CTIF: variants seen among roughly 807,000 people sequenced by gnomAD.
CTIF encodes the protein cap binding complex dependent translation initiation factor.
Under a neutral mutation model 66.0 loss-of-function variants are expected in CTIF, and 21 were observed. The ratio of observed to expected loss-of-function variants is 0.32; its 90% CI spans 0.23 to 0.46. The LOEUF (loss-of-function observed/expected upper bound fraction) is 0.46, where lower values mean the gene tolerates loss of function less well. Among genes scored for constraint, CTIF ranks in the 20% least tolerant of loss-of-function variants. The pLI is 1.00. For synonymous variants in CTIF, 345 were observed against 326.4 expected, an observed-to-expected ratio of 1.06 and a Z score of -0.62; for missense variants, 739 against 812.7, an observed-to-expected ratio of 0.91 and a Z score of 1.10.
chr18:48,815,329 C>G (rs772060993), intron 9 of CTIF, among the ~76,000 whole-genome samples: 14 of 152,200 alleles, frequency 9.2e-5, no homozygotes, highest in Non-Finnish European at 1.6e-4. Flanking sequence ...GCCACTGGCT[C>G]ATAGTCATGG....
chr18:48,646,954 T>A (rs896002461), intron 3 of CTIF, among the ~76,000 whole-genome samples: 2 of 149,024 alleles, frequency 1.3e-5, no homozygotes, highest in Non-Finnish European at 3.0e-5. Context: ...TATGATTTGA[T>A]TGAGCAATTG....
intron 7 of CTIF, among the ~76,000 whole-genome samples, chr18:48,728,607 A>G (rs1273771193): frequency 1.3e-5 from 2 of 152,130 alleles, no homozygotes; most frequent in East Asian, 1.9e-4. Context: ...TTCCCAGCTC[A>G]CGGATGTGGT....
chr18:48,585,682 C>T (rs1354510822), intron 1 of CTIF, among the ~76,000 whole-genome samples: 1 of 152,154 alleles, frequency 6.6e-6, no homozygotes, highest in Non-Finnish European at 1.5e-5. Context: ...ATTTTCATCC[C>T]ATCCCTAGGA....
At chr18:48,857,958 C>G (rs1199739522) in intron 11 of CTIF, among the ~76,000 whole-genome samples, 1 of 152,246 alleles carries the variant, frequency 6.6e-6, no homozygotes, top group Non-Finnish European at 1.5e-5. Flanking sequence ...TAAGAAGTTC[C>G]TGATTACCTC....
intron 6 of CTIF, among the ~76,000 whole-genome samples, chr18:48,671,286 A>G (rs1004508164): frequency 6.6e-6 from 1 of 152,082 alleles, no homozygotes; most frequent in African/African-American, 2.4e-5. Context: ...GTCTCTAGAT[A>G]CTTATAGTGC....
chr18:48,656,453 C>T (rs2091248360), intron 3 of CTIF, among the ~76,000 whole-genome samples: 1 of 152,190 alleles, frequency 6.6e-6, no homozygotes, highest in South Asian at 2.1e-4. Context: ...CTGGCACATA[C>T]TGCATGCTGG....
intron 6 of CTIF, among the ~76,000 whole-genome samples, chr18:48,681,200 A>G (rs942119519): frequency 1.3e-5 from 2 of 152,246 alleles, no homozygotes; most frequent in South Asian, 2.1e-4. Flanking sequence ...GAGCTGCTGC[A>G]CAATCCCAGG....
intron 10 of CTIF, among the ~76,000 whole-genome samples, chr18:48,823,976 C>CCACACACACACACACACACACA (rs35554666): frequency 1.6e-5 from 2 of 124,218 alleles, no homozygotes; most frequent in East Asian, 2.5e-4. Flanking sequence ...CCTAAAGACT[C>CCACACACACACACACACACACA]CACACACACA....
chr18:48,834,471 C>T (rs1314253007), intron 10 of CTIF, among the ~76,000 whole-genome samples: 1 of 152,264 alleles, frequency 6.6e-6, no homozygotes, highest in East Asian at 1.9e-4. Flanking sequence ...TTCGCCCCTC[C>T]CTGATCCCGC....
chr18:48,823,976 C>CCACACACACA (rs35554666), intron 10 of CTIF, among the ~76,000 whole-genome samples: 4,320 of 124,156 alleles, frequency 0.035, 129 homozygotes, highest in East Asian at 0.18. Context: ...CCTAAAGACT[C>CCACACACACA]CACACACACA....
chr18:48,647,786 C>T (rs1024316699), intron 3 of CTIF, among the ~76,000 whole-genome samples: 3 of 150,372 alleles, frequency 2.0e-5, no homozygotes, highest in Admixed American at 6.6e-5. Context: ...GCTCTTAGAA[C>T]ATCTCTGCAG....
At chr18:48,547,570 C>T (rs1351744790) in intron 1 of CTIF, among the ~76,000 whole-genome samples, 1 of 152,174 alleles carries the variant, frequency 6.6e-6, no homozygotes, top group Non-Finnish European at 1.5e-5. Context: ...GCAGCGCCTT[C>T]CCTTATGTTA....
intron 7 of CTIF, among the ~76,000 whole-genome samples, chr18:48,721,574 C>T (rs745928052): frequency 2.6e-4 from 39 of 152,316 alleles, no homozygotes; most frequent in Non-Finnish European, 4.6e-4. Context: ...GGCTTCAAGA[C>T]GAGCTCATCT....
intron 10 of CTIF, among the ~76,000 whole-genome samples, chr18:48,818,285 G>A (rs889325652): frequency 1.3e-5 from 2 of 152,230 alleles, no homozygotes; most frequent in African/African-American, 4.8e-5. Context: ...CGGAGTGAGG[G>A]CGAAGAGCAC....
At chr18:48,635,469 G>A (rs2090801969) in intron 2 of CTIF, among the ~76,000 whole-genome samples, 1 of 151,878 alleles carries the variant, frequency 6.6e-6, no homozygotes, top group Non-Finnish European at 1.5e-5. Context: ...GACAGCAGGT[G>A]CATGCCACCA....
intron 3 of CTIF, among the ~76,000 whole-genome samples, chr18:48,658,774 G>T (rs1157391329): frequency 6.6e-6 from 1 of 152,154 alleles, no homozygotes; most frequent in Admixed American, 6.5e-5. Context: ...TGCATATGTG[G>T]CACTTGTATG....
chr18:48,790,864 T>C (rs927498579), intron 9 of CTIF, among the ~76,000 whole-genome samples: 3 of 152,200 alleles, frequency 2.0e-5, no homozygotes, highest in African/African-American at 2.4e-5. Flanking sequence ...CTCTGTCAGC[T>C]GGCTCACCTG....
At chr18:48,742,496 C>T (rs754601337) in intron 7 of CTIF, among the ~76,000 whole-genome samples, 1 of 152,244 alleles carries the variant, frequency 6.6e-6, no homozygotes, top group African/African-American at 2.4e-5. Context: ...CTTCTGCATT[C>T]GGGCCTCCTT....
rs554529927 is a variant in CTIF, at chr18:48,807,933, C to T, written c.1372-9288C>T. Among the ~76,000 whole-genome samples the T allele has an allele frequency of 5.9e-5, 9 of 152,198 alleles. No individual in the cohort carries two copies. The South Asian group carries it at 1.7e-3, about 28-fold the overall frequency. ...ATGAATCATCATTTACTTAATTGTT[C>T]CCCTGTTGTTGGGTGCTTAGGTTTT... On this transcript the variant is annotated intron_variant, in intron 9 of 11. Transcript: ENST00000256413.
Sources: allele counts gnomAD v4.1 joint callset (sites outside exome capture counted in the v4.1 genomes callset), GRCh38; gene constraint gnomAD v4.1.1; transcripts MANE v1.5; gene names NCBI Gene and HGNC (gene_info 2026-07-23, HGNC 2026-07-21).